The following FMN2 variants were observed in gnomAD, a reference collection of about 807,000 sequenced individuals.
The protein encoded by FMN2 is formin 2.
In FMN2, 51 loss-of-function variants were observed where a neutral mutation model predicts 142.3. That is an observed-to-expected ratio of 0.36 (90% CI 0.29 to 0.45). The LOEUF (loss-of-function observed/expected upper bound fraction) is 0.45. FMN2 is among the 20% of genes least tolerant of loss of function. The pLI is 1.00. For missense variants in FMN2, 1,936 were observed against 2,122.8 expected (o/e 0.91, Z 1.73); for synonymous variants, 882 against 869.8 (o/e 1.01, Z -0.25).
rs1414892381 is a variant in FMN2, at chr1:240,177,978, T to C, written c.1840T>C (p.Ser614Pro). 1.9e-6 allele frequency: 3 copies of C among 1,612,882 alleles called. No individual in the cohort carries two copies. The highest frequency in any genetic ancestry group is 1.7e-6 in the Non-Finnish European group (2 of 1,179,670). The change falls in exon 3 of 18, where the codon TCA (serine) becomes CCA (proline). Residue 614 changes from serine to proline, a missense_variant. Physicochemically the swap from Ser to Pro is moderately conservative, Grantham distance 74. Coordinates refer to ENST00000319653, the MANE Select transcript of FMN2 (RefSeq NM_020066.5). ...VSQPTHSLDY[S>P]EGQFPRRVPS... ...TCAACCCACACACTCATTGGACTAT[T>C]CAGAAGGGCAGTTTCCTAGGCGAGT...
rs150519570 is a variant in FMN2 at position 240,207,258 on chromosome 1, C to G, written c.2446C>G (p.Leu816Val). 2.2e-5 allele frequency: 35 copies of G among 1,613,900 alleles called. No homozygotes were observed. Among genetic ancestry groups the G allele is most frequent in the Non-Finnish European group, 3.0e-5 (35 of 1,179,954 alleles). ...SISQPPPPPS[L>V]LWSAGQGQPG... ...CTCACAGCCTCCACCACCTCCATCCCTTCTGTGGTCTGCTGGGCAAGGACA... is the reference window on the plus strand; with the variant it reads ...CTCACAGCCTCCACCACCTCCATCCGTTCTGTGGTCTGCTGGGCAAGGACA... Residue 816 changes from leucine to valine, a missense_variant, in exon 5 of 18, where the codon CTT becomes GTT. Physicochemically the swap from Leu to Val is conservative, Grantham distance 32. Coordinates refer to ENST00000319653, the MANE Select transcript of FMN2 (RefSeq NM_020066.5).
Position 240,329,160 on chromosome 1 carries a change from C to T in FMN2, c.4300C>T (p.Pro1434Ser), listed in dbSNP as rs1171979879. The T allele has an allele frequency of 6.2e-7, 1 of 1,614,094 alleles. No homozygotes were observed. Among genetic ancestry groups the T allele is most frequent in the Non-Finnish European group, 8.5e-7 (1 of 1,179,988 alleles). Reference protein sequence around the residue: ...DKENAKSLDKPEQFLYELSLI... With the variant: ...DKENAKSLDKSEQFLYELSLI... The stretch of plus-strand genomic sequence containing the variant: ...GGAAAATGCCAAGTCTCTGGACAAA[C>T]CTGAACAGTAAGCATGTCTTATAAC... The change falls in exon 9 of 18, where the codon CCT becomes TCT. Residue 1434 changes from proline to serine, a missense_variant. This residue lies in a region of FMN2 where 322 missense variants were observed against 401.6 expected (regional missense o/e 0.80). Coordinates refer to ENST00000319653, the MANE Select transcript of FMN2 (RefSeq NM_020066.5).
chr1:240,214,596 T>G (rs193195581), intron 6 of FMN2, among the ~76,000 whole-genome samples: 21 of 151,978 alleles, frequency 1.4e-4, no homozygotes, highest in African/African-American at 5.1e-4. Flanking sequence ...TGATCTCTTA[T>G]GATGTTCATG....
chr1:240,325,381 C>CATTT (rs1671135813), intron 8 of FMN2, among the ~76,000 whole-genome samples: 3 of 150,420 alleles, frequency 2.0e-5, no homozygotes, highest in Admixed American at 2.0e-4. Context: ...AGGAAGGCTT[C>CATTT]ATTTGGCCAT....
At chr1:240,374,293 A>C (rs1672969787) in intron 14 of FMN2, among the ~76,000 whole-genome samples, 1 of 152,194 alleles carries the variant, frequency 6.6e-6, no homozygotes, top group Admixed American at 6.5e-5. Flanking sequence ...CTTCAACTGA[A>C]AGTCACCAGC....
chr1:240,256,401 G>A (rs556515641), intron 6 of FMN2, among the ~76,000 whole-genome samples: 4 of 151,960 alleles, frequency 2.6e-5, no homozygotes, highest in South Asian at 2.1e-4. Flanking sequence ...CAAAAGCAGC[G>A]CCTTTTGGGA....
intron 14 of FMN2, among the ~76,000 whole-genome samples, chr1:240,366,950 A>G (rs942619698): frequency 6.6e-6 from 1 of 152,176 alleles, no homozygotes; most frequent in Non-Finnish European, 1.5e-5. Context: ...TTGCAAACCT[A>G]GGAGGTTTGC....
rs189529764 is a variant in FMN2 at position 240,378,291 on chromosome 1, C to T, written c.4859-14220C>T. ...TCAGCCTCCCAAGTAGCTGGGATTACAGGTGCCCACCACCACACCCAGCTA... is the reference window on the plus strand; with the variant it reads ...TCAGCCTCCCAAGTAGCTGGGATTATAGGTGCCCACCACCACACCCAGCTA... On this transcript the variant is annotated intron_variant, in intron 14 of 17. Coordinates refer to ENST00000319653, the MANE Select transcript of FMN2 (RefSeq NM_020066.5). Among the ~76,000 whole-genome samples, 887 of 152,210 alleles carry T rather than the reference C, an allele frequency of 5.8e-3. 8 individuals are homozygous for T. The highest frequency in any genetic ancestry group is 0.021 in the African/African-American group (862 of 41,534).
At chr1:240,123,087 C>T in intron 1 of FMN2, 92 bp from the exon 2 acceptor site, 1 of 1,406,480 alleles carries the variant, frequency 7.1e-7, no homozygotes, top group East Asian at 2.3e-5. Context: ...GGTGTTGTTC[C>T]CTGGCAGTGT....
intron 14 of FMN2, among the ~76,000 whole-genome samples, chr1:240,379,955 C>T (rs1016333355): frequency 2.0e-5 from 3 of 152,024 alleles, no homozygotes; most frequent in Non-Finnish European, 2.9e-5. Context: ...TATATATGCA[C>T]CCAATAGCAG....
At chr1:240,414,891 G>A (rs1483505858) in intron 15 of FMN2, among the ~76,000 whole-genome samples, 1 of 152,080 alleles carries the variant, frequency 6.6e-6, no homozygotes, top group Non-Finnish European at 1.5e-5. Context: ...AAGACAAGTG[G>A]GAAATAGGTC....
At position 240,404,116 on chromosome 1, in the gene FMN2, C is replaced by T. The variant is rs544853893; in HGVS notation, c.4910+11554C>T. On this transcript the variant is annotated intron_variant, in intron 15 of 17. Coordinates refer to ENST00000319653, the MANE Select transcript of FMN2 (RefSeq NM_020066.5). ...GACAAAAAAGGGGAAAGAAAGAAAG[C>T]GGAATGTGGGTTCCACTAGTTTCAT... 9.0e-4 allele frequency among the ~76,000 whole-genome samples: 137 copies of T among 152,220 alleles called. 1 individual carries two copies. Among genetic ancestry groups the T allele is most frequent in the African/African-American group, 3.3e-3 (137 of 41,526 alleles).
rs1671465061 is a variant in FMN2 at position 240,333,812 on chromosome 1, G to A, written c.4585-75G>A. ...CTCATGTATATACATGAATTCACTA[G>A]AATCTTTTTTGGTAACACTTTATAT... is the stretch of plus-strand genomic sequence containing the variant. On this transcript the variant is annotated intron_variant, in intron 11 of 17. Coordinates refer to ENST00000319653, the MANE Select transcript of FMN2 (RefSeq NM_020066.5). The A allele has an allele frequency of 2.6e-6, 3 of 1,160,580 alleles. No individual in the cohort carries two copies. The East Asian group carries it at 7.9e-5, about 30-fold the overall frequency. The allele number at this position is 1,160,580 out of a possible 1,614,324, so 71.9% of individuals were successfully genotyped here. A position where few individuals can be genotyped will look rare whatever the true frequency, so the allele number is the denominator to read the frequency against.
chr1:240,323,124 T>TTTCCTTCC (rs34266580), intron 8 of FMN2, among the ~76,000 whole-genome samples: 2 of 149,942 alleles, frequency 1.3e-5, no homozygotes, highest in South Asian at 2.1e-4. Flanking sequence ...TTTCTTTTTC[T>TTTCCTTCC]TTCCTTCCTT....
At chr1:240,337,203 CTTTTTTTTTTT>C (rs752506621) in intron 13 of FMN2, among the ~76,000 whole-genome samples, 1 of 90,576 alleles carries the variant, frequency 1.1e-5, no homozygotes, top group South Asian at 4.2e-4. Flanking sequence ...TATTCCTTTT[CTTTTTTTTTTT>C]TTTTTTTTTT....
At chr1:240,387,678 G>A (rs1466313945) in intron 14 of FMN2, among the ~76,000 whole-genome samples, 1 of 152,140 alleles carries the variant, frequency 6.6e-6, no homozygotes, top group Non-Finnish European at 1.5e-5. Flanking sequence ...CCTTATTTTA[G>A]CAAAGTATAT....
chr1:240,315,855 G>C (rs1469467351), intron 8 of FMN2, among the ~76,000 whole-genome samples: 4 of 152,264 alleles, frequency 2.6e-5, no homozygotes, highest in Middle Eastern at 3.4e-3. Context: ...ATAAACTCTT[G>C]AATGTGGAAT....
intron 14 of FMN2, among the ~76,000 whole-genome samples, chr1:240,363,956 T>C (rs1672576331): frequency 6.6e-6 from 1 of 151,802 alleles, no homozygotes; most frequent in African/African-American, 2.4e-5. Context: ...TAGGGGAAAG[T>C]GGGGGGTTCA....
intron 15 of FMN2, among the ~76,000 whole-genome samples, chr1:240,433,649 T>A (rs868045283): frequency 1.3e-5 from 2 of 152,208 alleles, no homozygotes; most frequent in African/African-American, 4.8e-5. Flanking sequence ...ATGCATTCAA[T>A]TGTGTAAAAC....
Sources: allele counts gnomAD v4.1 joint callset (sites outside exome capture counted in the v4.1 genomes callset), GRCh38; gene constraint gnomAD v4.1.1; regional missense constraint gnomAD v4.1.1; transcripts MANE v1.5; gene names NCBI Gene and HGNC (gene_info 2026-07-23, HGNC 2026-07-21).